The following PIK3R5 variants were observed in gnomAD, a reference collection of about 807,000 sequenced individuals.
The protein encoded by PIK3R5 is phosphoinositide 3-kinase regulatory subunit 5.
A neutral mutation model predicts 94.9 loss-of-function variants in PIK3R5; 32 were observed. That is an observed-to-expected ratio of 0.34 (90% CI 0.25 to 0.45). PIK3R5 has a LOEUF of 0.45. PIK3R5 is among the 20% of genes least tolerant of loss of function. PIK3R5 has a pLI of 1.00. For missense variants in PIK3R5, 853 were observed against 1,144.6 expected, an observed-to-expected ratio of 0.75 and a Z score of 3.68; for synonymous variants, 443 against 479.4, an observed-to-expected ratio of 0.92 and a Z score of 0.99.
Position 8,888,924 on chromosome 17 carries a change from G to T in PIK3R5, c.896-33C>A. 6 of 1,568,662 alleles carry T rather than the reference G, an allele frequency of 3.8e-6. No individual in the cohort carries two copies. Among genetic ancestry groups the T allele is most frequent in the African/African-American group, 1.3e-5 (1 of 74,330 alleles). Reference sequence around the variant, plus strand: ...GAAGCAAGGCCAGCACTGTCTGGGCGTCTGGGCCCCGGATCCCCTTCTATA... The same window carrying T: ...GAAGCAAGGCCAGCACTGTCTGGGCTTCTGGGCCCCGGATCCCCTTCTATA... On this transcript the variant is annotated intron_variant, in intron 9 of 18. Transcript: ENST00000447110. The surrounding 1 kb of genome is among the most constrained non-coding windows in gnomAD (Gnocchi z 7.8).
In PIK3R5 at chr17:8,879,357, T is replaced by C. The variant is rs1241701334; in HGVS notation, c.*1282A>G. 2 of 152,238 alleles carry C rather than the reference T, an allele frequency of 1.3e-5. No individual in the cohort carries two copies. Among genetic ancestry groups the C allele is most frequent in the Non-Finnish European group, 2.9e-5 (2 of 68,066 alleles). 9.4% of individuals were successfully genotyped at this position (152,238 alleles called of 1,614,324 possible). On this transcript the variant is annotated 3_prime_UTR_variant, in exon 19 of 19. Coordinates refer to ENST00000447110, the MANE Select transcript of PIK3R5 (RefSeq NM_001142633.3). The surrounding 1 kb of genome is among the most constrained non-coding windows in gnomAD (Gnocchi z 4.4). ...GCTGGTTGCTTTGAATTTCAGACTC[T>C]CGTGTCCTATCCTAGGCTGACCATT...
chr17:8,965,691 G>A lies in PIK3R5; in HGVS notation c.-109C>T, dbSNP rs2091658627. 1 of 152,264 alleles carries A rather than the reference G, an allele frequency of 6.6e-6. No homozygotes were observed. The highest frequency in any genetic ancestry group is 2.4e-5 in the African/African-American group (1 of 41,460). 9.4% of individuals were successfully genotyped at this position (152,264 alleles called of 1,614,324 possible). A position where few individuals can be genotyped will look rare whatever the true frequency, so the allele number is the denominator to read the frequency against. On this transcript the variant is annotated 5_prime_UTR_variant, in exon 1 of 19. Transcript: ENST00000447110. ...CACCGCGCCCCAGCTGGAGCCGCGC[G>A]GCGAGCCGCAGCATCTGCCCAGCCT...
rs569374186 is a variant in PIK3R5 at position 8,880,939 on chromosome 17, G to C, written c.2461C>G (p.Gln821Glu). 2.5e-6 allele frequency: 4 copies of C among 1,614,116 alleles called. No homozygotes were observed. In the South Asian group the frequency reaches 4.4e-5, roughly 18 times the overall value. ...CTCTGCAGGATCTTTCTCTCATCCT[G>C]GTCCAGGCACACAGCAAAGGGGCAG... ...NSCPFAVCLDQDERKILQSVV... is the reference protein window; with the variant it reads ...NSCPFAVCLDEDERKILQSVV... The change falls in exon 18 of 19, where the codon CAG becomes GAG. Residue 821 changes from glutamine (Q) to glutamate (E), a missense_variant. Transcript: ENST00000447110.
At chr17:8,902,379 C>T (rs995190099) in intron 5 of PIK3R5, among the ~76,000 whole-genome samples, 4 of 151,222 alleles carry the variant, frequency 2.6e-5, no homozygotes, top group Non-Finnish European at 5.9e-5. Flanking sequence ...CTCAGCCTCC[C>T]GAGTAGCTGG....
chr17:8,949,681 T>A (rs1567671164), intron 1 of PIK3R5, among the ~76,000 whole-genome samples: 1 of 152,190 alleles, frequency 6.6e-6, no homozygotes, highest in African/African-American at 2.4e-5. Context: ...CCGAACATCA[T>A]ATGTTCTGAC....
At position 8,947,932 on chromosome 17, in the gene PIK3R5, A is replaced by G. The variant is rs1390065183; in HGVS notation, c.-14+17664T>C. Among the ~76,000 whole-genome samples, 13 of 151,540 alleles carry G rather than the reference A, an allele frequency of 8.6e-5. No homozygotes were observed. In the East Asian group the frequency reaches 1.6e-3, roughly 18 times the overall value. ...GTGGCGGGCGCCTGTAGTCCCAGCT[A>G]CTTGGGAGGCTGAAGCAAGAGAATG... On this transcript the variant is annotated intron_variant, in intron 1 of 18. Transcript: ENST00000447110.
rs1246423521 is a variant in PIK3R5 at position 8,884,782 on chromosome 17, A to T, written c.2130T>A (p.Gly710=). 1.9e-6 allele frequency: 3 copies of T among 1,612,426 alleles called. No homozygotes were observed. The highest frequency in any genetic ancestry group is 2.5e-6 in the Non-Finnish European group (3 of 1,179,460). The change falls in exon 15 of 19, where the codon GGT becomes GGA. Residue 710 remains glycine (G), a splice_region_variant and synonymous_variant. Transcript: ENST00000447110. This position sits in a 1 kb window ranked among gnomAD's most constrained non-coding sequence, Gnocchi z 5.8. ...CGATGCCCAGCCGCTTGCTGCCAGG[A>T]CCTGTGCCACACACAGACAGACCCT... The part of the protein sequence containing the change: ...SAATRAIKAS[G]PGSKRLGIDG...
chr17:8,947,783 C>T (rs151095309), intron 1 of PIK3R5, among the ~76,000 whole-genome samples: 1 of 152,210 alleles, frequency 6.6e-6, no homozygotes, highest in Non-Finnish European at 1.5e-5. Context: ...GTGGCTCATG[C>T]CTGTAATCCC....
In PIK3R5 at chr17:8,881,433, C is replaced by A. The variant is rs1208394783; in HGVS notation, c.2382+197G>T. On this transcript the variant is annotated intron_variant, in intron 17 of 18. Transcript: ENST00000447110. This position sits in a 1 kb window ranked among gnomAD's most constrained non-coding sequence, Gnocchi z 4.8. ...GCAACACTCCACACCTGTGTGCATC[C>A]CCAAATCATACCCCTCACCCTGCCT... is the stretch of plus-strand genomic sequence containing the variant. Among the ~76,000 whole-genome samples the A allele has an allele frequency of 6.6e-6, 1 of 152,088 alleles. No homozygotes were observed. The highest frequency in any genetic ancestry group is 1.5e-5 in the Non-Finnish European group (1 of 67,994).
intron 1 of PIK3R5, among the ~76,000 whole-genome samples, chr17:8,940,595 T>A (rs1421104848): frequency 1.3e-5 from 2 of 152,208 alleles, no homozygotes; most frequent in Non-Finnish European, 2.9e-5. Flanking sequence ...AAAGTTTTGC[T>A]CTTGTTGCCC....
chr17:8,880,941 T>C lies in PIK3R5; in HGVS notation c.2459A>G (p.Asp820Gly). ...CTGCAGGATCTTTCTCTCATCCTGG[T>C]CCAGGCACACAGCAAAGGGGCAGCT... The part of the protein sequence containing the change: ...SNSCPFAVCL[D>G]QDERKILQSV... Residue 820 changes from aspartate to glycine, a missense_variant, in exon 18 of 19, where the codon GAC becomes GGC. Physicochemically the swap from Asp to Gly is moderately conservative, Grantham distance 94. This residue lies in a region of PIK3R5 where 91 missense variants were observed against 90.5 expected (regional missense o/e 1.01). Coordinates refer to ENST00000447110, the MANE Select transcript of PIK3R5 (RefSeq NM_001142633.3). 1 of 1,614,140 alleles carries C rather than the reference T, an allele frequency of 6.2e-7. No homozygotes were observed. Among genetic ancestry groups the C allele is most frequent in the African/African-American group, 1.3e-5 (1 of 75,042 alleles).
rs761149454 is a variant in PIK3R5, at chr17:8,911,351, C to T, written c.103+41G>A. ...GTGCCCACCGTGGCCCCTGAGGCTT[C>T]CTTGAGCCCTCAAACACCTCCCCGG... On this transcript the variant is annotated intron_variant, in intron 2 of 18. Transcript: ENST00000447110. The surrounding 1 kb of genome is among the most constrained non-coding windows in gnomAD (Gnocchi z 5.3). 5 of 1,518,394 alleles carry T rather than the reference C, an allele frequency of 3.3e-6. No individual in the cohort carries two copies. In the Admixed American group the frequency reaches 8.4e-5, roughly 25 times the overall value. The allele number at this position is 1,518,394 out of a possible 1,614,324, so 94.1% of individuals were successfully genotyped here.
At chr17:8,954,742 C>T (rs889851555) in intron 1 of PIK3R5, among the ~76,000 whole-genome samples, 3 of 152,124 alleles carry the variant, frequency 2.0e-5, no homozygotes, top group African/African-American at 7.2e-5. Flanking sequence ...TCAAGACCAG[C>T]CTGGCCAACA....
chr17:8,881,718 G>C lies in PIK3R5; in HGVS notation c.2300-6C>G. ...CAGGGCCTCCATGCTGGAATCTGAG[G>C]GGCAAGGACACTCAGGCCAGGCTCA... On this transcript the variant is annotated splice_polypyrimidine_tract_variant and splice_region_variant and intron_variant, in intron 16 of 18. Transcript: ENST00000447110. The surrounding 1 kb of genome is among the most constrained non-coding windows in gnomAD (Gnocchi z 4.8). The C allele has an allele frequency of 6.2e-7, 1 of 1,613,454 alleles. No individual in the cohort carries two copies. The highest frequency in any genetic ancestry group is 1.1e-5 in the South Asian group (1 of 91,046).
Position 8,904,712 on chromosome 17 carries a change from A to G in PIK3R5, c.412+65T>C. On this transcript the variant is annotated intron_variant, in intron 5 of 18. Transcript: ENST00000447110. The surrounding 1 kb of genome is among the most constrained non-coding windows in gnomAD (Gnocchi z 5.1). The stretch of plus-strand genomic sequence containing the variant: ...AAGGAGGGTCACAAAAAACAGTTTC[A>G]GAGGAGTTGGAAGCATTCTGACCTT... The G allele has an allele frequency of 1.3e-6, 2 of 1,543,398 alleles. No homozygotes were observed. The highest frequency in any genetic ancestry group is 1.8e-6 in the Non-Finnish European group (2 of 1,125,706).
intron 1 of PIK3R5, among the ~76,000 whole-genome samples, chr17:8,963,526 CTT>C (rs5819210): frequency 1.2e-3 from 179 of 145,468 alleles, no homozygotes; most frequent in Middle Eastern, 3.4e-3. Context: ...TCTTCTTCTT[CTT>C]TTTTTTTTTT....
rs2091457402 is a variant in PIK3R5 at position 8,955,798 on chromosome 17, C to G, written c.-14+9798G>C. ...TTCAAGGCTGGGAGTCTGGTTTCAG[C>G]AGAGACAGAAATGGGGAAGTCTGCA... On this transcript the variant is annotated intron_variant, in intron 1 of 18. Transcript: ENST00000447110. The surrounding 1 kb of genome is among the most constrained non-coding windows in gnomAD (Gnocchi z 4.4). Among the ~76,000 whole-genome samples, 1 of 152,140 alleles carries G rather than the reference C, an allele frequency of 6.6e-6. No individual in the cohort carries two copies. Among genetic ancestry groups the G allele is most frequent in the African/African-American group, 2.4e-5 (1 of 41,434 alleles).
intron 1 of PIK3R5, among the ~76,000 whole-genome samples, chr17:8,915,462 G>A (rs989805010): frequency 6.6e-6 from 1 of 151,016 alleles, no homozygotes; most frequent in Non-Finnish European, 1.5e-5. Flanking sequence ...TGGGGATTGT[G>A]AGCCCCACCA....
chr17:8,941,434 T>C (rs2091177892), intron 1 of PIK3R5, among the ~76,000 whole-genome samples: 1 of 45,434 alleles, frequency 2.2e-5, no homozygotes, highest in Admixed American at 2.1e-4. Context: ...AGGACTAAGT[T>C]GAACAGAATA....
Sources: allele counts gnomAD v4.1 joint callset (sites outside exome capture counted in the v4.1 genomes callset), GRCh38; gene constraint gnomAD v4.1.1; regional missense constraint gnomAD v4.1.1; non-coding constraint Gnocchi (gnomAD v3.1); transcripts MANE v1.5; gene names NCBI Gene and HGNC (gene_info 2026-07-23, HGNC 2026-07-21).